The following PCIF1 variants were observed in gnomAD, a reference collection of about 807,000 sequenced individuals.
The protein encoded by PCIF1 is phosphorylated CTD interacting factor 1.
A neutral mutation model predicts 86.9 loss-of-function variants in PCIF1; 12 were observed. That is an observed-to-expected ratio of 0.14 (90% CI 0.09 to 0.22). The LOEUF (loss-of-function observed/expected upper bound fraction) is 0.22, where lower values mean the gene tolerates loss of function less well. Among genes scored for constraint, PCIF1 ranks in the 10% least tolerant of loss-of-function variants. The probability of loss-of-function intolerance (pLI) is 1.00; values close to 1 mark genes in which losing one functional copy is unlikely to be tolerated. For synonymous variants in PCIF1, 397 were observed against 372.0 expected, an observed-to-expected ratio of 1.07 and a Z score of -0.77; for missense variants, 701 against 951.1, an observed-to-expected ratio of 0.74 and a Z score of 3.46.
intron 10 of PCIF1, 63 bp from the exon 11 acceptor site, chr20:45,944,805 C>T (rs2083506027): frequency 2.6e-6 from 4 of 1,547,982 alleles, no homozygotes; most frequent in Non-Finnish European, 8.8e-7. Flanking sequence ...CTGCGGTTAC[C>T]TGCCAGCCCA....
chr20:45,946,661 G>A (rs1461535745), intron 14 of PCIF1, among the ~76,000 whole-genome samples: 1 of 152,200 alleles, frequency 6.6e-6, no homozygotes, highest in African/African-American at 2.4e-5. Flanking sequence ...GCCCTGAGAG[G>A]AGTGAGAAGT....
At chr20:45,946,774 A>G (rs953878339) in intron 14 of PCIF1, among the ~76,000 whole-genome samples, 22 of 152,206 alleles carry the variant, frequency 1.4e-4, no homozygotes, top group African/African-American at 5.3e-4. Context: ...GGACCTCCAG[A>G]GGTCCAGAGC....
Position 45,940,508 on chromosome 20 carries a change from C to A in PCIF1, c.283C>A (p.Pro95Thr). The stretch of plus-strand genomic sequence containing the variant: ...TTTGGGGCTGAATGCGACCCCACTG[C>A]CCCAAGACTCAAGCTTGGTGGAAAC... ...DPLGLNATPL[P>T]QDSSLVETPP... Residue 95 changes from proline (P) to threonine (T), a missense_variant, in exon 5 of 17, where the codon CCC becomes ACC. Pro to Thr is a conservative substitution (Grantham distance 38). This residue lies in a region of PCIF1 where 125 missense variants were observed against 126.8 expected (regional missense o/e 0.99). Coordinates refer to ENST00000372409, the MANE Select transcript of PCIF1 (RefSeq NM_022104.4). The A allele has an allele frequency of 6.2e-7, 1 of 1,607,950 alleles. No homozygotes were observed. Among genetic ancestry groups the A allele is most frequent in the African/African-American group, 1.3e-5 (1 of 74,798 alleles).
chr20:45,944,747 C>T, intron 10 of PCIF1, 121 bp from the exon 11 acceptor site: 1 of 1,059,850 alleles, frequency 9.4e-7, no homozygotes, highest in Non-Finnish European at 1.3e-6. Context: ...CACAGCTAGT[C>T]AGCAGCAGAG....
At position 45,947,533 on chromosome 20, in the gene PCIF1, G is replaced by A. The variant is rs2083542960; in HGVS notation, c.1893G>A (p.Met631Ile). Residue 631 changes from methionine to isoleucine, a missense_variant, in exon 17 of 17, where the codon ATG becomes ATA. Met to Ile is a conservative substitution (Grantham distance 10). This residue lies in a region of PCIF1 where 174 missense variants were observed against 206.9 expected (regional missense o/e 0.84). Transcript: ENST00000372409. This position sits in a 1 kb window ranked among gnomAD's most constrained non-coding sequence, Gnocchi z 5.4. ...GSQHICKKEE[M>I]HYKAVHNTAV... ...TTGCCTTTGCCCGCAGGGAGGAAAT[G>A]CACTACAAGGCCGTCCACAACACGG... is the stretch of plus-strand genomic sequence containing the variant. The A allele has an allele frequency of 6.2e-7, 1 of 1,613,752 alleles. No individual in the cohort carries two copies. Among genetic ancestry groups the A allele is most frequent in the Non-Finnish European group, 8.5e-7 (1 of 1,179,996 alleles).
At chr20:45,945,151 C>T in intron 11 of PCIF1, 121 bp downstream of exon 11, 12 of 1,194,902 alleles carry the variant, frequency 1.0e-5, no homozygotes, top group Middle Eastern at 2.2e-4. Flanking sequence ...CTGCCTGTGT[C>T]CTTTGGCTGT....
rs777501108 is a variant in PCIF1 at position 45,940,642 on chromosome 20, C to T, written c.387+30C>T. ...GTGTCTGTGGCCAGGAGCCGGCTGC[C>T]GAGCGGCCGGCTCAGACGGGCCGCC... On this transcript the variant is annotated intron_variant, in intron 5 of 16. Coordinates refer to ENST00000372409, the MANE Select transcript of PCIF1 (RefSeq NM_022104.4). The T allele has an allele frequency of 2.7e-5, 43 of 1,586,064 alleles. No homozygotes were observed. The East Asian group carries it at 3.8e-4, about 14-fold the overall frequency.
In PCIF1 at chr20:45,943,573, A is replaced by G; in HGVS notation, c.906-93A>G. Reference sequence around the variant, plus strand: ...AAGGCAGAACAAGGGCTGTGATGGAAGCTAGGGGTTGATACCCAGCGAGCC... The same window carrying G: ...AAGGCAGAACAAGGGCTGTGATGGAGGCTAGGGGTTGATACCCAGCGAGCC... On this transcript the variant is annotated intron_variant, in intron 9 of 16. Coordinates refer to ENST00000372409, the MANE Select transcript of PCIF1 (RefSeq NM_022104.4). This position sits in a 1 kb window ranked among gnomAD's most constrained non-coding sequence, Gnocchi z 5.5. The G allele has an allele frequency of 7.3e-7, 1 of 1,378,530 alleles. No homozygotes were observed. The highest frequency in any genetic ancestry group is 1.0e-6 in the Non-Finnish European group (1 of 995,502). The allele number at this position is 1,378,530 out of a possible 1,614,324, so 85.4% of individuals were successfully genotyped here. A position where few individuals can be genotyped will look rare whatever the true frequency, so the allele number is the denominator to read the frequency against.
chr20:45,938,189 G>A (rs916951049), intron 2 of PCIF1, among the ~76,000 whole-genome samples: 2 of 152,182 alleles, frequency 1.3e-5, no homozygotes, highest in African/African-American at 2.4e-5. Flanking sequence ...GAAGGAACTG[G>A]CCTCCTTGCT....
At chr20:45,944,349 C>T (rs1451270377) in intron 10 of PCIF1, among the ~76,000 whole-genome samples, 1 of 152,222 alleles carries the variant, frequency 6.6e-6, no homozygotes, top group Admixed American at 6.5e-5. Context: ...CAGAGTGACT[C>T]ATTCTCACTC....
At chr20:45,944,772 A>G (rs1404307341) in intron 10 of PCIF1, 96 bp from the exon 11 acceptor site, 6 of 1,360,204 alleles carry the variant, frequency 4.4e-6, no homozygotes, top group South Asian at 1.4e-5. Context: ...TTTCAAAACA[A>G]GGACTGCTGG....
rs540259002 is a variant in PCIF1, at chr20:45,939,993, C to T, written c.250-482C>T. On this transcript the variant is annotated intron_variant, in intron 4 of 16. Transcript: ENST00000372409. The stretch of plus-strand genomic sequence containing the variant: ...CGAGACCTCACAGTAATAGGCAGAG[C>T]AGGACGCACACCTGATGTGAGTTCA... Among the ~76,000 whole-genome samples the T allele has an allele frequency of 1.3e-4, 20 of 152,322 alleles. No individual in the cohort carries two copies. In the South Asian group the frequency reaches 4.1e-3, roughly 32 times the overall value.
Position 45,947,337 on chromosome 20 carries a change from A to G in PCIF1, c.1782A>G (p.Pro594=), listed in dbSNP as rs773212993. The change falls in exon 16 of 17, where the codon CCA becomes CCG. Residue 594 remains proline (P), a synonymous_variant. Coordinates refer to ENST00000372409, the MANE Select transcript of PCIF1 (RefSeq NM_022104.4). This position sits in a 1 kb window ranked among gnomAD's most constrained non-coding sequence, Gnocchi z 5.4. ...FIPEWREPPT[P]ALTRMEQSRF... is the part of the protein sequence containing the mutation. ...CTGAGTGGCGGGAACCCCCAACACC[A>G]GCGCTCACCCGCATGGAGCAGAGCC... The G allele has an allele frequency of 6.2e-7, 1 of 1,613,918 alleles. No individual in the cohort carries two copies. Among genetic ancestry groups the G allele is most frequent in the South Asian group, 1.1e-5 (1 of 91,076 alleles).
chr20:45,943,093 G>A lies in PCIF1; in HGVS notation c.674-4G>A, dbSNP rs375365216. On this transcript the variant is annotated splice_region_variant and splice_polypyrimidine_tract_variant and intron_variant, in intron 7 of 16. Coordinates refer to ENST00000372409, the MANE Select transcript of PCIF1 (RefSeq NM_022104.4). This position sits in a 1 kb window ranked among gnomAD's most constrained non-coding sequence, Gnocchi z 5.5. ...AGGCCTTCAGCAGCTCTCCTGTCCT[G>A]CAGGCATTGAGCCTCCACGGGAGTC... The A allele has an allele frequency of 2.3e-5, 37 of 1,613,540 alleles. No individual in the cohort carries two copies. In the African/African-American group the frequency reaches 2.9e-4, roughly 13 times the overall value.
Position 45,934,738 on chromosome 20 carries a change from CGGAGGCGGCAAAACGG to C in PCIF1, c.-252_-237del. On this transcript the variant is annotated 5_prime_UTR_variant, in exon 1 of 17. An upstream open reading frame in the 5' UTR loses its in-frame stop. Coordinates refer to ENST00000372409, the MANE Select transcript of PCIF1 (RefSeq NM_022104.4). The stretch of plus-strand genomic sequence containing the variant: ...GGCAGCGGCGCTGGGGAGGGCGAGG[CGGAGGCGGCAAAACGG>C]GCGGTCGAGCAGAACGTGTAGCCGC... 1 of 398,938 alleles carries C rather than the reference CGGAGGCGGCAAAACGG, an allele frequency of 2.5e-6. No individual in the cohort carries two copies. The highest frequency in any genetic ancestry group is 4.4e-6 in the Non-Finnish European group (1 of 226,144). The allele number at this position is 398,938 out of a possible 1,614,324, so 24.7% of individuals were successfully genotyped here.
chr20:45,941,223 C>G lies in PCIF1; in HGVS notation c.673+16C>G, dbSNP rs199928508. On this transcript the variant is annotated intron_variant, in intron 7 of 16. Coordinates refer to ENST00000372409, the MANE Select transcript of PCIF1 (RefSeq NM_022104.4). Reference sequence around the variant, plus strand: ...CAGCGAGAGGGTACCTGCCTCTGGGCTGCAGCCTCCTTTATTTCCACCCAC... The same window carrying G: ...CAGCGAGAGGGTACCTGCCTCTGGGGTGCAGCCTCCTTTATTTCCACCCAC... 1 of 1,575,054 alleles carries G rather than the reference C, an allele frequency of 6.3e-7. No individual in the cohort carries two copies. The highest frequency in any genetic ancestry group is 1.4e-5 in the African/African-American group (1 of 73,826).
chr20:45,943,834 C>A lies in PCIF1; in HGVS notation c.1005+69C>A. 7.3e-7 allele frequency: 1 copy of A among 1,371,182 alleles called. No homozygotes were observed. The highest frequency in any genetic ancestry group is 1.3e-5 in the South Asian group (1 of 79,314). 84.9% of individuals were successfully genotyped at this position (1,371,182 alleles called of 1,614,324 possible). A position where few individuals can be genotyped will look rare whatever the true frequency, so the allele number is the denominator to read the frequency against. On this transcript the variant is annotated intron_variant, in intron 10 of 16. Coordinates refer to ENST00000372409, the MANE Select transcript of PCIF1 (RefSeq NM_022104.4). The surrounding 1 kb of genome is among the most constrained non-coding windows in gnomAD (Gnocchi z 5.5). Reference sequence around the variant, plus strand: ...GGCCACTTCCTCCAGGAAGCCTACTCTGCCTGTCCAGGCTGGGCAAGGCCT... The same window carrying A: ...GGCCACTTCCTCCAGGAAGCCTACTATGCCTGTCCAGGCTGGGCAAGGCCT...
At chr20:45,936,336 G>T (rs951805718) in intron 1 of PCIF1, among the ~76,000 whole-genome samples, 60 of 114,654 alleles carry the variant, frequency 5.2e-4, no homozygotes, top group Non-Finnish European at 7.9e-4. Context: ...CACCACGCCG[G>T]GCTAATTTTT....
intron 1 of PCIF1, among the ~76,000 whole-genome samples, chr20:45,935,193 TGCGC>T (rs57434270): frequency 4.1e-5 from 6 of 144,688 alleles, no homozygotes; most frequent in Admixed American, 6.9e-5. Context: ...GAGGGGAAGG[TGCGC>T]GCGCGCGCGC....
Sources: allele counts gnomAD v4.1 joint callset (sites outside exome capture counted in the v4.1 genomes callset), GRCh38; gene constraint gnomAD v4.1.1; regional missense constraint gnomAD v4.1.1; non-coding constraint Gnocchi (gnomAD v3.1); transcripts MANE v1.5; gene names NCBI Gene and HGNC (gene_info 2026-07-23, HGNC 2026-07-21).